Variants in PLEKHH2 observed in about 807,000 individuals in gnomAD.
PLEKHH2 encodes the protein pleckstrin homology domain-containing family H member 2.
A neutral mutation model predicts 187.9 loss-of-function variants in PLEKHH2; 129 were observed. That is an observed-to-expected ratio of 0.69 (90% CI 0.59 to 0.79). The LOEUF (loss-of-function observed/expected upper bound fraction) is 0.79. PLEKHH2 is among the 30% of genes least tolerant of loss of function. PLEKHH2 has a pLI of 0.00. For synonymous variants in PLEKHH2, 686 were observed against 605.6 expected, an observed-to-expected ratio of 1.13 and a Z score of -1.95; for missense variants, 2,076 against 1,751.2, an observed-to-expected ratio of 1.19 and a Z score of -3.31.
intron 23 of PLEKHH2, 30 bp from the exon 24 acceptor site, chr2:43,745,836 G>A (rs764894352): frequency 1.3e-6 from 2 of 1,528,242 alleles, no homozygotes; most frequent in Non-Finnish European, 1.8e-6. Flanking sequence ...GAAAAGTACT[G>A]TAAATCTCAG....
chr2:43,692,132 G>C (rs1450255442), intron 3 of PLEKHH2: 1 of 154,694 alleles, frequency 6.5e-6, no homozygotes, highest in Non-Finnish European at 1.4e-5. Flanking sequence ...AGGCCATCCA[G>C]TCTGGGTCTC....
At chr2:43,748,217 A>G (rs1161702465) in intron 24 of PLEKHH2, among the ~76,000 whole-genome samples, 4 of 152,238 alleles carry the variant, frequency 2.6e-5, no homozygotes, top group Non-Finnish European at 5.9e-5. Context: ...ATGATTTGCC[A>G]GAGGTTCAAG....
chr2:43,653,326 A>G (rs865875864), intron 2 of PLEKHH2, among the ~76,000 whole-genome samples: 1 of 152,242 alleles, frequency 6.6e-6, no homozygotes, highest in African/African-American at 2.4e-5. Context: ...AGCATCAGGA[A>G]TTGAAATGGC....
Position 43,765,428 on chromosome 2 carries a change from C to G in PLEKHH2, c.4312C>G (p.Leu1438Val). 6.2e-7 allele frequency: 1 copy of G among 1,614,036 alleles called. No individual in the cohort carries two copies. The highest frequency in any genetic ancestry group is 8.5e-7 in the Non-Finnish European group (1 of 1,179,944). ...MAKPKILEIT[L>V]LIASYINNFH... Reference sequence around the variant, plus strand: ...CTTGTTTTAGATTCTTGAAATCACTCTTTTGATCGCCAGTTACATAAACAA... The same window carrying G: ...CTTGTTTTAGATTCTTGAAATCACTGTTTTGATCGCCAGTTACATAAACAA... Residue 1438 changes from leucine to valine, a missense_variant, in exon 30 of 30, where the codon CTT becomes GTT. Leu to Val is a conservative substitution (Grantham distance 32). Coordinates refer to ENST00000282406, the MANE Select transcript of PLEKHH2 (RefSeq NM_172069.4).
intron 17 of PLEKHH2, among the ~76,000 whole-genome samples, chr2:43,727,791 C>T (rs1670837784): frequency 6.6e-6 from 1 of 152,092 alleles, no homozygotes; most frequent in African/African-American, 2.4e-5. Context: ...ATATTAGACC[C>T]CTATCTCTAA....
At chr2:43,733,958 C>G (rs1388452171) in intron 19 of PLEKHH2, among the ~76,000 whole-genome samples, 1 of 151,904 alleles carries the variant, frequency 6.6e-6, no homozygotes, top group Non-Finnish European at 1.5e-5. Flanking sequence ...TATAAATGAC[C>G]AAAATTGATT....
intron 2 of PLEKHH2, among the ~76,000 whole-genome samples, chr2:43,669,871 A>T (rs1017391576): frequency 6.6e-6 from 1 of 152,196 alleles, no homozygotes; most frequent in African/African-American, 2.4e-5. Context: ...GATCAAAAGG[A>T]TTTGAAACAA....
intron 21 of PLEKHH2, chr2:43,741,268 A>G (rs1436144296): frequency 6.0e-6 from 2 of 334,618 alleles, no homozygotes; most frequent in African/African-American, 4.3e-5. Context: ...AAACTGACAG[A>G]GAATATTTTT....
At chr2:43,730,725 C>T (rs1347473057) in intron 18 of PLEKHH2, among the ~76,000 whole-genome samples, 1 of 152,060 alleles carries the variant, frequency 6.6e-6, no homozygotes, top group East Asian at 1.9e-4. Flanking sequence ...GGCTAAGGTT[C>T]CCCCACTGAG....
intron 2 of PLEKHH2, 48 bp from the exon 3 acceptor site, chr2:43,678,815 A>G (rs757358113): frequency 6.9e-7 from 1 of 1,441,238 alleles, no homozygotes; most frequent in Non-Finnish European, 9.5e-7. Context: ...AGAAAGGCTC[A>G]TTTTTCAAAA....
rs1395575469 is a variant in PLEKHH2 at position 43,765,547 on chromosome 2, C to G, written c.4431C>G (p.Ser1477Arg). The change falls in exon 30 of 30, where the codon AGC becomes AGG. Residue 1477 changes from serine (S) to arginine (R), a missense_variant. Physicochemically the swap from Ser to Arg is moderately radical, Grantham distance 110 (BLOSUM62 -1). Coordinates refer to ENST00000282406, the MANE Select transcript of PLEKHH2 (RefSeq NM_172069.4). ...GACCCCAAGCCAGAATGATGGGAAG[C>G]CAGCCTCTTCTGTCAAGCAGCAGAC... ...TRGPQARMMG[S>R]QPLLSSSRPT... The G allele has an allele frequency of 6.2e-7, 1 of 1,613,790 alleles. No individual in the cohort carries two copies. The highest frequency in any genetic ancestry group is 1.3e-5 in the African/African-American group (1 of 74,774).
intron 3 of PLEKHH2, 78 bp downstream of exon 3, chr2:43,679,003 A>C: frequency 1.1e-6 from 1 of 940,398 alleles, no homozygotes; most frequent in Non-Finnish European, 1.7e-6. Flanking sequence ...ATGGAAAGAC[A>C]ATTATCAGCC....
intron 2 of PLEKHH2, among the ~76,000 whole-genome samples, chr2:43,646,793 GTTTC>G (rs1252652889): frequency 6.7e-6 from 1 of 148,806 alleles, no homozygotes; most frequent in Non-Finnish European, 1.5e-5. Flanking sequence ...TCTAGTTGTG[GTTTC>G]TTTTTCTTTA....
intron 2 of PLEKHH2, chr2:43,675,096 G>A (rs548962235): frequency 1.7e-4 from 48 of 279,980 alleles, no homozygotes; most frequent in African/African-American, 1.0e-3. Context: ...TAAGCTACAT[G>A]TGTAACTTAA....
At chr2:43,708,978 T>A (rs566416908) in intron 11 of PLEKHH2, among the ~76,000 whole-genome samples, 1 of 151,438 alleles carries the variant, frequency 6.6e-6, no homozygotes, top group African/African-American at 2.5e-5. Context: ...TTAATACATA[T>A]TTTTAAAAAT....
chr2:43,729,025 AT>A (rs1214549485), intron 17 of PLEKHH2, among the ~76,000 whole-genome samples: 1 of 152,238 alleles, frequency 6.6e-6, no homozygotes, highest in Non-Finnish European at 1.5e-5. Flanking sequence ...TTAAATAAAT[AT>A]GGTGTGTCCA....
intron 25 of PLEKHH2, among the ~76,000 whole-genome samples, chr2:43,754,869 CTTTT>C (rs3066318): frequency 2.8e-5 from 3 of 108,778 alleles, no homozygotes; most frequent in African/African-American, 7.6e-5. Flanking sequence ...TTAAAATCAA[CTTTT>C]TTTTTTTTTT....
chr2:43,639,650 C>CTTTTTTT (rs869116400), intron 1 of PLEKHH2, among the ~76,000 whole-genome samples: 2 of 99,248 alleles, frequency 2.0e-5, no homozygotes, highest in Non-Finnish European at 3.8e-5. Context: ...GGATGTACCA[C>CTTTTTTT]TTTTTTTTTT....
At chr2:43,706,570 A>G (rs1024979580) in intron 10 of PLEKHH2, among the ~76,000 whole-genome samples, 154 bp downstream of exon 10, 2 of 152,368 alleles carry the variant, frequency 1.3e-5, no homozygotes, top group African/African-American at 2.4e-5. Context: ...ATCATAAAAA[A>G]GAAGGAATGG....
Sources: gnomAD v4.1 joint callset for allele counts (sites outside exome capture counted in the v4.1 genomes callset) on GRCh38, gnomAD v4.1.1 for gene constraint, MANE v1.5 for transcripts, NCBI Gene and HGNC (gene_info 2026-07-23, HGNC 2026-07-21) for gene names.